GPHN: variants seen among roughly 807,000 people sequenced by gnomAD.
GPHN encodes gephyrin.
Under a neutral mutation model 95.5 loss-of-function variants are expected in GPHN, and 17 were observed. That is an observed-to-expected ratio of 0.18 (90% CI 0.12 to 0.27). GPHN has a LOEUF of 0.27. Ranked by LOEUF, GPHN falls within the 10% of genes least tolerant of loss-of-function variation. The pLI is 1.00. For synonymous variants in GPHN, 320 were observed against 322.5 expected, an observed-to-expected ratio of 0.99 and a Z score of 0.08; for missense variants, 660 against 978.1, an observed-to-expected ratio of 0.67 and a Z score of 4.34.
intron 6 of GPHN, among the ~76,000 whole-genome samples, 169 bp downstream of exon 6, chr14:66,916,238 A>AAC (rs1184059676): frequency 6.6e-6 from 1 of 152,166 alleles, no homozygotes; most frequent in Non-Finnish European, 1.5e-5. Flanking sequence ...AAAGACATAG[A>AAC]ACTCACTAAA....
rs368560823 is a variant in GPHN at position 66,956,881 on chromosome 14, G to A, written c.829-8310G>A. ...TCGCAAGAACAAAAAACCAAACACC[G>A]CATATTCTCACTCATAGGTGGGAAT... On this transcript the variant is annotated intron_variant, in intron 8 of 22. Coordinates refer to ENST00000478722, the MANE Select transcript of GPHN (RefSeq NM_020806.5). Among the ~76,000 whole-genome samples the A allele has an allele frequency of 2.7e-3, 392 of 146,414 alleles. 9 individuals carry two copies. The highest frequency in any genetic ancestry group is 0.018 in the East Asian group (90 of 4,902).
At chr14:66,957,883 G>A (rs564096243) in intron 8 of GPHN, among the ~76,000 whole-genome samples, 7 of 152,246 alleles carry the variant, frequency 4.6e-5, no homozygotes, top group Non-Finnish European at 8.8e-5. Context: ...TCTCATAGGA[G>A]CATGAATGCA....
At chr14:67,334,361 G>A in the GPHN span, 10 of 152,568 alleles carry the variant, frequency 6.6e-5, no homozygotes, top group African/African-American at 2.4e-4. Flanking sequence ...AGTGTGATGT[G>A]TAACAAACAA....
intron 6 of GPHN, among the ~76,000 whole-genome samples, chr14:66,916,780 C>T (rs149648642): frequency 5.2e-4 from 79 of 152,306 alleles, no homozygotes; most frequent in African/African-American, 1.6e-3. Context: ...ACTACTTTTA[C>T]CCTCAGACTC....
At chr14:66,961,513 A>G (rs1217859364) in intron 8 of GPHN, among the ~76,000 whole-genome samples, 1 of 151,932 alleles carries the variant, frequency 6.6e-6, no homozygotes, top group South Asian at 2.1e-4. Flanking sequence ...CACTAGATAC[A>G]ACTGCTAAAA....
At chr14:67,562,578 G>A in the GPHN span, 26 of 1,612,364 alleles carry the variant, frequency 1.6e-5, no homozygotes, top group East Asian at 6.7e-5. Context: ...CCAAAGGTGC[G>A]GGCTCCTGGC....
At chr14:66,916,851 T>G (rs1022788927) in intron 6 of GPHN, among the ~76,000 whole-genome samples, 3 of 152,224 alleles carry the variant, frequency 2.0e-5, no homozygotes, top group Non-Finnish European at 4.4e-5. Flanking sequence ...GCCAAGGCTT[T>G]TTTTATTGTA....
chr14:66,878,554 A>G (rs1414776771), intron 4 of GPHN, among the ~76,000 whole-genome samples: 1 of 152,244 alleles, frequency 6.6e-6, no homozygotes, highest in African/African-American at 2.4e-5. Flanking sequence ...TGGGCAAAGG[A>G]TATGAACAGA....
intron 5 of GPHN, among the ~76,000 whole-genome samples, chr14:66,905,131 T>A (rs1448113364): frequency 6.6e-6 from 1 of 152,152 alleles, no homozygotes; most frequent in Non-Finnish European, 1.5e-5. Flanking sequence ...CTTTTTGCTT[T>A]TTTCTTCTCT....
intron 5 of GPHN, among the ~76,000 whole-genome samples, chr14:66,897,804 G>A (rs1209587405): frequency 6.6e-6 from 1 of 152,058 alleles, no homozygotes; most frequent in Non-Finnish European, 1.5e-5. Flanking sequence ...GCGGTATCTA[G>A]GTTCCATGGC....
chr14:66,999,305 A>G (rs1363276249), intron 9 of GPHN, among the ~76,000 whole-genome samples: 1 of 151,866 alleles, frequency 6.6e-6, no homozygotes, highest in Non-Finnish European at 1.5e-5. Flanking sequence ...AGTAGTGTGT[A>G]TTTTCACTTC....
At chr14:67,443,426 G>C in the GPHN span, among the ~76,000 whole-genome samples, 1 of 152,068 alleles carries the variant, frequency 6.6e-6, no homozygotes, top group African/African-American at 2.4e-5. Flanking sequence ...ATTTTGACAG[G>C]AAAAGAAAGG....
At position 66,527,310 on chromosome 14, in the gene GPHN, T is replaced by C. The variant is rs143023241; in HGVS notation, c.64+18719T>C. ...GTAGTTTGTATTTCTGTGGGATCAG[T>C]GGTAATATCCCCTTTATCCCCTATT... is the stretch of plus-strand genomic sequence containing the variant. On this transcript the variant is annotated intron_variant, in intron 1 of 22. Transcript: ENST00000478722. Among the ~76,000 whole-genome samples, 553 of 152,088 alleles carry C rather than the reference T, an allele frequency of 3.6e-3. 12 individuals are homozygous for C. The highest frequency in any genetic ancestry group is 0.013 in the African/African-American group (527 of 41,524).
chr14:67,342,365 C>G, the GPHN span, among the ~76,000 whole-genome samples: 1 of 151,742 alleles, frequency 6.6e-6, no homozygotes, highest in East Asian at 1.9e-4. Context: ...AAATACAACA[C>G]TGAATGTGCT....
chr14:67,302,148 A>C, the GPHN span: 1 of 1,565,882 alleles, frequency 6.4e-7, no homozygotes, highest in South Asian at 1.2e-5. Context: ...TTTTTAAACA[A>C]GTGCATTTTT....
the GPHN span, chr14:67,393,012 A>T: frequency 1.1e-6 from 1 of 872,836 alleles, no homozygotes; most frequent in Non-Finnish European, 1.9e-6. Context: ...CTGCACACCC[A>T]CACATGGCCA....
chr14:67,131,948 A>C (rs1161603491), intron 17 of GPHN, among the ~76,000 whole-genome samples: 1 of 152,176 alleles, frequency 6.6e-6, no homozygotes, highest in East Asian at 1.9e-4. Context: ...GGCCTGAAGG[A>C]AGGGCTGGGA....
At chr14:67,586,819 G>C in the GPHN span, 4 of 1,460,414 alleles carry the variant, frequency 2.7e-6, no homozygotes, top group Non-Finnish European at 2.7e-6. Flanking sequence ...GAGCTAACCA[G>C]AGCAGAACAC....
intron 2 of GPHN, among the ~76,000 whole-genome samples, chr14:66,690,938 G>A (rs191260948): frequency 1.3e-5 from 2 of 152,268 alleles, no homozygotes; most frequent in Admixed American, 1.3e-4. Context: ...GAGTGGCAAA[G>A]CAGTAAACCT....
Sources: gnomAD v4.1 joint callset for allele counts (sites outside exome capture counted in the v4.1 genomes callset) on GRCh38, gnomAD v4.1.1 for gene constraint, MANE v1.5 for transcripts, NCBI Gene and HGNC (gene_info 2026-07-23, HGNC 2026-07-21) for gene names.